CMTR1: variants seen among roughly 807,000 people sequenced by gnomAD.
CMTR1 encodes cap methyltransferase 1.
In CMTR1, 39 loss-of-function variants were observed where a neutral mutation model predicts 107.0. The ratio of observed to expected loss-of-function variants is 0.36; its 90% CI spans 0.28 to 0.48. The LOEUF (loss-of-function observed/expected upper bound fraction) is 0.48, where lower values mean the gene tolerates loss of function less well. Ranked by LOEUF, CMTR1 falls within the 20% of genes least tolerant of loss-of-function variation. CMTR1 has a pLI of 0.99. For synonymous variants in CMTR1, 366 were observed against 379.5 expected, an observed-to-expected ratio of 0.96 and a Z score of 0.41; for missense variants, 672 against 1,064.9, an observed-to-expected ratio of 0.63 and a Z score of 5.14.
At chr6:37,474,274 C>T (rs1761689097) in intron 17 of CMTR1, among the ~76,000 whole-genome samples, 1 of 152,238 alleles carries the variant, frequency 6.6e-6, no homozygotes, top group South Asian at 2.1e-4. Flanking sequence ...GGACTTAGGT[C>T]TTTTGAGTGG....
In CMTR1 at chr6:37,480,714, C is replaced by T. The variant is rs1445843857; in HGVS notation, c.*569C>T. 8 of 1,030,656 alleles carry T rather than the reference C, an allele frequency of 7.8e-6. No homozygotes were observed. The highest frequency in any genetic ancestry group is 9.3e-6 in the Non-Finnish European group (8 of 859,108). The allele number at this position is 1,030,656 out of a possible 1,614,324, so 63.8% of individuals were successfully genotyped here. On this transcript the variant is annotated 3_prime_UTR_variant, in exon 24 of 24. Coordinates refer to ENST00000373451, the MANE Select transcript of CMTR1 (RefSeq NM_015050.3). ...CATTTTCTTGTCTCCTTCCCCCACT[C>T]ATCCTGGCCTTCCCTGGAGTTCTTC... is the stretch of plus-strand genomic sequence containing the variant.
In CMTR1 at chr6:37,450,362, G is replaced by C. The variant is rs148170675; in HGVS notation, c.537+19G>C. On this transcript the variant is annotated intron_variant, in intron 5 of 23. Coordinates refer to ENST00000373451, the MANE Select transcript of CMTR1 (RefSeq NM_015050.3). Reference sequence around the variant, plus strand: ...GGGAAAGGTAGGCTTTCAGGAAAACGTACCCTGACTTCTTGGCATTCTCTT... The same window carrying C: ...GGGAAAGGTAGGCTTTCAGGAAAACCTACCCTGACTTCTTGGCATTCTCTT... 6.3e-7 allele frequency: 1 copy of C among 1,579,178 alleles called. No homozygotes were observed. Among genetic ancestry groups the C allele is most frequent in the South Asian group, 1.1e-5 (1 of 90,312 alleles).
At position 37,461,661 on chromosome 6, in the gene CMTR1, C is replaced by T. The variant is rs1761405211; in HGVS notation, c.1192+16C>T. 6.5e-7 allele frequency: 1 copy of T among 1,543,336 alleles called. No homozygotes were observed. The stretch of plus-strand genomic sequence containing the variant: ...GTCCGGACAGGTGACACTTCCTCAG[C>T]TGTCTCCTCACCCCAGGACCCACTT... On this transcript the variant is annotated intron_variant, in intron 11 of 23. Coordinates refer to ENST00000373451, the MANE Select transcript of CMTR1 (RefSeq NM_015050.3).
rs1388279980 is a variant in CMTR1, at chr6:37,473,480, T to C, written c.1700T>C (p.Ile567Thr). ...KFFELIQGTE[I>T]DIFSYKPTLL... ...GACTCGTGGCTGCAGGGCACTGAGA[T>C]TGACATCTTCAGCTACAAGCCCACA... The change falls in exon 17 of 24, where the codon ATT becomes ACT. Residue 567 changes from isoleucine to threonine, a missense_variant. Ile to Thr is a moderately conservative substitution (Grantham distance 89). This residue lies in a region of CMTR1 where 583 missense variants were observed against 968.4 expected (regional missense o/e 0.60). Coordinates refer to ENST00000373451, the MANE Select transcript of CMTR1 (RefSeq NM_015050.3). 1 of 1,613,668 alleles carries C rather than the reference T, an allele frequency of 6.2e-7. No individual in the cohort carries two copies. Among genetic ancestry groups the C allele is most frequent in the Non-Finnish European group, 8.5e-7 (1 of 1,179,778 alleles).
intron 19 of CMTR1, 128 bp from the exon 20 acceptor site, chr6:37,475,998 G>C (rs1038269624): frequency 3.5e-6 from 3 of 855,836 alleles, no homozygotes; most frequent in African/African-American, 3.3e-5. Context: ...CATGGGTGCT[G>C]CCTCTTAGAG....
Position 37,476,130 on chromosome 6 carries a change from C to A in CMTR1, c.2041C>A (p.Gln681Lys), listed in dbSNP as rs749964200. The A allele has an allele frequency of 9.9e-6, 16 of 1,613,916 alleles. No individual in the cohort carries two copies. The highest frequency in any genetic ancestry group is 1.3e-5 in the African/African-American group (1 of 74,890). ...VREQHFNQRI[Q>K]LAEKFVKAVS... is the part of the protein sequence containing the mutation. ...GAGAGACTGTTTGGATTGTAGAATT[C>A]AGCTTGCCGAGAAATTTGTGAAAGC... Residue 681 changes from glutamine (Q) to lysine (K), a missense_variant, in exon 20 of 24, where the codon CAG becomes AAG. This residue lies in a region of CMTR1 where 583 missense variants were observed against 968.4 expected (regional missense o/e 0.60). Transcript: ENST00000373451.
intron 8 of CMTR1, among the ~76,000 whole-genome samples, chr6:37,454,745 G>A (rs1761255393): frequency 6.6e-6 from 1 of 152,192 alleles, no homozygotes; most frequent in African/African-American, 2.4e-5. Flanking sequence ...TGGCCACGGA[G>A]AATTGCCCTT....
At chr6:37,475,231 G>A in intron 18 of CMTR1, 90 bp from the exon 19 acceptor site, 1 of 1,007,352 alleles carries the variant, frequency 9.9e-7, no homozygotes, top group South Asian at 1.3e-5. Context: ...CCCAGCTGTA[G>A]GCAGAATGGA....
At position 37,458,883 on chromosome 6, in the gene CMTR1, T is replaced by C. The variant is rs934219675; in HGVS notation, c.976+73T>C. ...TATGGGGACTTCAGGTCAGAAGCAG[T>C]TGTTATCCACATGCCATATTTTCTT... On this transcript the variant is annotated intron_variant, in intron 9 of 23. Coordinates refer to ENST00000373451, the MANE Select transcript of CMTR1 (RefSeq NM_015050.3). This position sits in a 1 kb window ranked among gnomAD's most constrained non-coding sequence, Gnocchi z 4.7. 23 of 1,381,668 alleles carry C rather than the reference T, an allele frequency of 1.7e-5. No homozygotes were observed. Among genetic ancestry groups the C allele is most frequent in the Middle Eastern group, 2.4e-4 (1 of 4,220 alleles). The allele number at this position is 1,381,668 out of a possible 1,614,324, so 85.6% of individuals were successfully genotyped here. A position where few individuals can be genotyped will look rare whatever the true frequency, so the allele number is the denominator to read the frequency against.
chr6:37,479,096 C>T (rs987169995), intron 22 of CMTR1, 51 bp from the exon 23 acceptor site: 2 of 1,345,708 alleles, frequency 1.5e-6, no homozygotes, highest in African/African-American at 2.9e-5. Context: ...GCCTGTCCTC[C>T]ACAAGTGCTT....
At position 37,480,520 on chromosome 6, in the gene CMTR1, C is replaced by G; in HGVS notation, c.*375C>G. 1 of 1,086,724 alleles carries G rather than the reference C, an allele frequency of 9.2e-7. No homozygotes were observed. The highest frequency in any genetic ancestry group is 1.1e-6 in the Non-Finnish European group (1 of 894,400). 67.3% of individuals were successfully genotyped at this position (1,086,724 alleles called of 1,614,324 possible). A position where few individuals can be genotyped will look rare whatever the true frequency, so the allele number is the denominator to read the frequency against. Reference sequence around the variant, plus strand: ...TCCTGTAGACTCACTTTTCTGAGTTCCATGCACTGCCCTGAGGGTAGCCAT... The same window carrying G: ...TCCTGTAGACTCACTTTTCTGAGTTGCATGCACTGCCCTGAGGGTAGCCAT... On this transcript the variant is annotated 3_prime_UTR_variant, in exon 24 of 24. Coordinates refer to ENST00000373451, the MANE Select transcript of CMTR1 (RefSeq NM_015050.3).
intron 14 of CMTR1, among the ~76,000 whole-genome samples, chr6:37,471,543 A>C (rs1328302311): frequency 1.3e-5 from 2 of 152,128 alleles, no homozygotes; most frequent in Non-Finnish European, 2.9e-5. Context: ...GAACATGCTG[A>C]TGGGTGATTG....
At chr6:37,450,442 T>C (rs1771925365) in intron 5 of CMTR1, 99 bp downstream of exon 5, 1 of 869,394 alleles carries the variant, frequency 1.2e-6, no homozygotes, top group South Asian at 1.4e-5. Flanking sequence ...TTAAGAAAAA[T>C]GTGAATCTGA....
chr6:37,480,390 GA>G lies in CMTR1; in HGVS notation c.*247del, dbSNP rs113769913. 0.11 allele frequency: 148,312 copies of G among 1,326,840 alleles called. 8,418 individuals carry two copies. Among genetic ancestry groups the G allele is most frequent in the East Asian group, 0.13 (3,636 of 29,058 alleles). The allele number at this position is 1,326,840 out of a possible 1,614,324, so 82.2% of individuals were successfully genotyped here. The stretch of plus-strand genomic sequence containing the variant: ...TCCCCTGCCAGGACTCAGCCTGAAG[GA>G]AGCTGCTCCTGAGGCAGGTATGAGG... On this transcript the variant is annotated 3_prime_UTR_variant, in exon 24 of 24. Transcript: ENST00000373451.
In CMTR1 at chr6:37,480,833, C is replaced by CT. The variant is rs1581759134; in HGVS notation, c.*692dup. 1.7e-6 allele frequency: 2 copies of CT among 1,147,900 alleles called. No homozygotes were observed. Among genetic ancestry groups the CT allele is most frequent in the East Asian group, 1.4e-4 (2 of 14,700 alleles). The allele number at this position is 1,147,900 out of a possible 1,614,324, so 71.1% of individuals were successfully genotyped here. A position where few individuals can be genotyped will look rare whatever the true frequency, so the allele number is the denominator to read the frequency against. On this transcript the variant is annotated 3_prime_UTR_variant, in exon 24 of 24. Coordinates refer to ENST00000373451, the MANE Select transcript of CMTR1 (RefSeq NM_015050.3). The stretch of plus-strand genomic sequence containing the variant: ...ACCACATTGAGATCCTGGGAGCCCT[C>CT]TTTTCGTACTGAGTATGGAGTTGTA...
intron 2 of CMTR1, among the ~76,000 whole-genome samples, chr6:37,441,938 G>GGC (rs1320937800): frequency 2.0e-5 from 3 of 152,130 alleles, no homozygotes; most frequent in African/African-American, 7.2e-5. Context: ...TAAAGGGAAG[G>GGC]GCAGATTTTG....
At position 37,462,889 on chromosome 6, in the gene CMTR1, A is replaced by G; in HGVS notation, c.1386A>G (p.Ala462=). 6.2e-7 allele frequency: 1 copy of G among 1,614,042 alleles called. No individual in the cohort carries two copies. Among genetic ancestry groups the G allele is most frequent in the Non-Finnish European group, 8.5e-7 (1 of 1,180,034 alleles). Residue 462 remains alanine (A), a synonymous_variant, in exon 13 of 24, where the codon GCA becomes GCG. Transcript: ENST00000373451. ...GIDDVRDYLF[A]VNIKLNQLRN... ...ATGATGTTCGGGATTACCTCTTCGC[A>G]GTGAATATTAAACTCAATCAGCTGC...
At position 37,473,477 on chromosome 6, in the gene CMTR1, A is replaced by T; in HGVS notation, c.1697A>T (p.Glu566Val). 1 of 1,613,504 alleles carries T rather than the reference A, an allele frequency of 6.2e-7. No individual in the cohort carries two copies. The highest frequency in any genetic ancestry group is 8.5e-7 in the Non-Finnish European group (1 of 1,179,686). ...SKFFELIQGTEIDIFSYKPTL... is the reference protein window; with the variant it reads ...SKFFELIQGTVIDIFSYKPTL... ...TCTGACTCGTGGCTGCAGGGCACTG[A>T]GATTGACATCTTCAGCTACAAGCCC... is the stretch of plus-strand genomic sequence containing the variant. Residue 566 changes from glutamate (E) to valine (V), a missense_variant, in exon 17 of 24, where the codon GAG (glutamate) becomes GTG (valine). Physicochemically the swap from Glu to Val is moderately radical, Grantham distance 121. Transcript: ENST00000373451.
chr6:37,480,475 C>A lies in CMTR1; in HGVS notation c.*330C>A, dbSNP rs1188979345. ...CATATCAGAGTGGCAGAGCTGTGGG[C>A]TCTGCTGTTCTCTCCTGCATCCTGT... On this transcript the variant is annotated 3_prime_UTR_variant, in exon 24 of 24. Transcript: ENST00000373451. 1 of 1,150,186 alleles carries A rather than the reference C, an allele frequency of 8.7e-7. No individual in the cohort carries two copies. The highest frequency in any genetic ancestry group is 1.1e-6 in the Non-Finnish European group (1 of 933,542). The allele number at this position is 1,150,186 out of a possible 1,614,324, so 71.2% of individuals were successfully genotyped here.
Sources: gnomAD v4.1 joint callset for allele counts (sites outside exome capture counted in the v4.1 genomes callset) on GRCh38, gnomAD v4.1.1 for gene constraint, gnomAD v4.1.1 regional missense constraint, Gnocchi (gnomAD v3.1) non-coding constraint, MANE v1.5 for transcripts, NCBI Gene and HGNC (gene_info 2026-07-23, HGNC 2026-07-21) for gene names.